The following PLEKHD1 variants were observed in gnomAD, a reference collection of about 807,000 sequenced individuals.
The protein encoded by PLEKHD1 is pleckstrin homology and coiled-coil domain containing D1, also known as pleckstrin homology domain-containing family D member 1.
In PLEKHD1, 51 loss-of-function variants were observed where a neutral mutation model predicts 69.2. That is an observed-to-expected ratio of 0.74 (90% CI 0.59 to 0.93). PLEKHD1 has a LOEUF of 0.93. Ranked by LOEUF, PLEKHD1 falls within the 40% of genes least tolerant of loss-of-function variation. The pLI, the probability that PLEKHD1 is intolerant of heterozygous loss-of-function variation, is 0.00. For missense variants in PLEKHD1, 584 were observed against 641.0 expected (o/e 0.91, Z 0.96); for synonymous variants, 236 against 244.7 (o/e 0.96, Z 0.33).
In PLEKHD1 at chr14:69,530,786, G is replaced by A. The variant is rs1480287373; in HGVS notation, c.*2367G>A. On this transcript the variant is annotated 3_prime_UTR_variant, in exon 13 of 13. Transcript: ENST00000322564. ...CAAAGAGAGGGTGAGAGAGCAAGAG[G>A]GGCCAAACTTATTCTTTTATAACAA... 1 of 152,100 alleles carries A rather than the reference G, an allele frequency of 6.6e-6. No individual in the cohort carries two copies. The highest frequency in any genetic ancestry group is 1.5e-5 in the Non-Finnish European group (1 of 68,030). 9.4% of individuals were successfully genotyped at this position (152,100 alleles called of 1,614,324 possible). A position where few individuals can be genotyped will look rare whatever the true frequency, so the allele number is the denominator to read the frequency against.
At chr14:69,471,585 G>A in the PLEKHD1 span, among the ~76,000 whole-genome samples, 25 of 152,264 alleles carry the variant, frequency 1.6e-4, no homozygotes, top group African/African-American at 5.8e-4. Context: ...AGGACAAACT[G>A]TACTACCTTG....
chr14:69,526,095 T>C lies in PLEKHD1; in HGVS notation c.896T>C (p.Leu299Ser), dbSNP rs1440197004. The change falls in exon 9 of 13, where the codon TTA (leucine) becomes TCA (serine). Residue 299 changes from leucine to serine, a missense_variant. Transcript: ENST00000322564. ...RQIEEKMQQL[L>S]EEKLLAEKRM... ...ATCGAGGAGAAGATGCAGCAGCTCT[T>C]AGAGGAGAAGCTCCTGGCAGAGAAG... The C allele has an allele frequency of 9.7e-6, 15 of 1,551,024 alleles. No individual in the cohort carries two copies. The highest frequency in any genetic ancestry group is 1.3e-5 in the Non-Finnish European group (15 of 1,146,816).
intron 6 of PLEKHD1, among the ~76,000 whole-genome samples, chr14:69,510,240 T>G (rs1883241625): frequency 2.0e-5 from 3 of 152,220 alleles, no homozygotes; most frequent in Admixed American, 2.0e-4. Context: ...AACAACATGC[T>G]GGGATTTTAA....
chr14:69,507,394 T>C (rs1308777503), intron 6 of PLEKHD1, among the ~76,000 whole-genome samples: 1 of 152,252 alleles, frequency 6.6e-6, no homozygotes, highest in East Asian at 1.9e-4. Context: ...CTACAGTTTG[T>C]TTATCCCTCT....
the PLEKHD1 span, among the ~76,000 whole-genome samples, chr14:69,477,942 G>A: frequency 6.6e-6 from 1 of 152,220 alleles, no homozygotes; most frequent in Non-Finnish European, 1.5e-5. Flanking sequence ...ACTAGGCAAT[G>A]TCCCAGTAGG....
intron 1 of PLEKHD1, among the ~76,000 whole-genome samples, chr14:69,489,729 G>A (rs1882733674): frequency 6.6e-6 from 1 of 152,060 alleles, no homozygotes; most frequent in Non-Finnish European, 1.5e-5. Context: ...GAATGGGATG[G>A]GTCAAACTGT....
chr14:69,501,671 T>C, intron 4 of PLEKHD1, 63 bp from the exon 5 acceptor site: 1 of 1,281,604 alleles, frequency 7.8e-7, no homozygotes, highest in Non-Finnish European at 1.1e-6. Flanking sequence ...TCTACCCTTC[T>C]GTTTTAATGA....
chr14:69,484,779 G>T lies in PLEKHD1; in HGVS notation c.-187G>T. On this transcript the variant is annotated 5_prime_UTR_variant, in exon 1 of 13. Transcript: ENST00000322564. ...CCGGAGCCCAAGCCGCCGGCTACGC[G>T]CCCTGCGCCCCCTTGGTGCCGCGTC... 1.6e-6 allele frequency: 1 copy of T among 623,686 alleles called. No homozygotes were observed. Among genetic ancestry groups the T allele is most frequent in the East Asian group, 3.1e-5 (1 of 31,958 alleles). The allele number at this position is 623,686 out of a possible 1,614,324, so 38.6% of individuals were successfully genotyped here. A position where few individuals can be genotyped will look rare whatever the true frequency, so the allele number is the denominator to read the frequency against.
At chr14:69,509,580 G>A (rs1481519491) in intron 6 of PLEKHD1, among the ~76,000 whole-genome samples, 2 of 151,902 alleles carry the variant, frequency 1.3e-5, no homozygotes, top group Non-Finnish European at 1.5e-5. Flanking sequence ...TTTAAGGTCT[G>A]TGTAGAGTCT....
upstream of PLEKHD1, among the ~76,000 whole-genome samples, chr14:69,484,343 C>G (rs532514722): frequency 6.6e-6 from 1 of 152,226 alleles, no homozygotes; most frequent in South Asian, 2.1e-4. Context: ...GCCCTAGCTC[C>G]GTCCTCTCCT....
chr14:69,526,702 A>G lies in PLEKHD1; in HGVS notation c.929A>G (p.Lys310Arg). 1.3e-6 allele frequency: 2 copies of G among 1,528,956 alleles called. No individual in the cohort carries two copies. Among genetic ancestry groups the G allele is most frequent in the Non-Finnish European group, 8.8e-7 (1 of 1,135,914 alleles). 94.7% of individuals were successfully genotyped at this position (1,528,956 alleles called of 1,614,324 possible). Residue 310 changes from lysine (K) to arginine (R), a missense_variant, in exon 10 of 13, where the codon AAG becomes AGG. Coordinates refer to ENST00000322564, the MANE Select transcript of PLEKHD1 (RefSeq NM_001161498.2). Reference protein sequence around the residue: ...EEKLLAEKRMKENEERSRALE... With the variant: ...EEKLLAEKRMRENEERSRALE... ...TGCCTCTTCTGTCCCTACAGGATGAAGGAGAACGAGGAGCGCTCACGGGCC... is the reference window on the plus strand; with the variant it reads ...TGCCTCTTCTGTCCCTACAGGATGAGGGAGAACGAGGAGCGCTCACGGGCC...
intron 12 of PLEKHD1, 58 bp from the exon 13 acceptor site, chr14:69,528,192 G>A: frequency 6.5e-7 from 1 of 1,540,146 alleles, no homozygotes; most frequent in South Asian, 1.2e-5. Flanking sequence ...TGGGGACAGG[G>A]CCAGGCCTTC....
At position 69,509,651 on chromosome 14, in the gene PLEKHD1, T is replaced by C. The variant is rs533578610; in HGVS notation, c.555+6772T>C. ...CAAGTACCATATGTTGAAAAGACTA[T>C]CTTAGGCCACGCACGGTGGCTCATG... On this transcript the variant is annotated intron_variant, in intron 6 of 12. Coordinates refer to ENST00000322564, the MANE Select transcript of PLEKHD1 (RefSeq NM_001161498.2). 5.3e-5 allele frequency among the ~76,000 whole-genome samples: 8 copies of C among 152,128 alleles called. No homozygotes were observed. In the East Asian group the frequency reaches 1.5e-3, roughly 29 times the overall value.
chr14:69,510,016 T>C (rs1006806085), intron 6 of PLEKHD1, among the ~76,000 whole-genome samples: 4 of 152,212 alleles, frequency 2.6e-5, no homozygotes, highest in African/African-American at 9.6e-5. Flanking sequence ...ACTATATTTA[T>C]GTTAGTATGT....
Position 69,501,731 on chromosome 14 carries a change from C to G in PLEKHD1, c.411-3C>G. ...CTCTGTCCCATCTGCCCTCCCTCCC[C>G]AGGACCTGGAAGAATGCCCAGCTGG... On this transcript the variant is annotated splice_polypyrimidine_tract_variant and splice_region_variant and intron_variant, in intron 4 of 12. Transcript: ENST00000322564. 1 of 1,550,314 alleles carries G rather than the reference C, an allele frequency of 6.5e-7. No individual in the cohort carries two copies. Among genetic ancestry groups the G allele is most frequent in the Admixed American group, 2.0e-5 (1 of 50,900 alleles).
At chr14:69,509,218 T>A (rs576253809) in intron 6 of PLEKHD1, among the ~76,000 whole-genome samples, 1 of 152,328 alleles carries the variant, frequency 6.6e-6, no homozygotes, top group African/African-American at 2.4e-5. Flanking sequence ...CCCATTTTTT[T>A]ATTGTTGAGC....
chr14:69,481,580 A>C (rs1286512859), upstream of PLEKHD1, among the ~76,000 whole-genome samples: 2 of 152,182 alleles, frequency 1.3e-5, no homozygotes, highest in Non-Finnish European at 2.9e-5. Flanking sequence ...TCAGCTTGTC[A>C]CTTTCCCTCA....
intron 1 of PLEKHD1, 87 bp from the exon 2 acceptor site, chr14:69,500,028 C>A: frequency 1.1e-6 from 1 of 890,928 alleles, no homozygotes; most frequent in Non-Finnish European, 1.8e-6. Flanking sequence ...CCATGTGAGT[C>A]CAGGGCCCCC....
chr14:69,511,967 A>G (rs555119474), intron 6 of PLEKHD1, among the ~76,000 whole-genome samples: 37 of 152,350 alleles, frequency 2.4e-4, no homozygotes, highest in Non-Finnish European at 4.6e-4. Flanking sequence ...GATTGTAGAT[A>G]ATTGGTATAG....
Sources: gnomAD v4.1 joint callset for allele counts (sites outside exome capture counted in the v4.1 genomes callset) on GRCh38, gnomAD v4.1.1 for gene constraint, MANE v1.5 for transcripts, NCBI Gene and HGNC (gene_info 2026-07-23, HGNC 2026-07-21) for gene names.